The following SND1 variants were observed in gnomAD, a reference collection of about 807,000 sequenced individuals.
The protein encoded by SND1 is staphylococcal nuclease and tudor domain containing 1, also known as staphylococcal nuclease domain-containing protein 1.
In SND1, 38 loss-of-function variants were observed where a neutral mutation model predicts 121.7. The observed-to-expected ratio is 0.31, with a 90% CI of 0.24 to 0.41. SND1 has a LOEUF of 0.41. SND1 is among the 10% of genes least tolerant of loss of function. The pLI is 1.00. For missense variants in SND1, 868 were observed against 1,184.6 expected (o/e 0.73, Z 3.92); for synonymous variants, 401 against 447.4 (o/e 0.90, Z 1.31).
rs527969809 is a variant in SND1 at position 127,659,687 on chromosome 7, A to T, written c.78+7236A>T. ...CTTAAAGTTAGTAATCTAATTTATT[A>T]ACTTTGTCCCTGGAAAGCAGCATGG... On this transcript the variant is annotated intron_variant, in intron 1 of 23. Transcript: ENST00000354725. 1.8e-4 allele frequency among the ~76,000 whole-genome samples: 28 copies of T among 152,334 alleles called. No individual in the cohort carries two copies. In the East Asian group the frequency reaches 5.0e-3, roughly 27 times the overall value.
intron 14 of SND1, among the ~76,000 whole-genome samples, chr7:127,916,103 T>C (rs900850128): frequency 3.3e-5 from 5 of 152,110 alleles, no homozygotes; most frequent in African/African-American, 1.2e-4. Context: ...TCTATTAATT[T>C]TTCTTTTTTT....
At chr7:127,991,135 A>G (rs886621780) in intron 16 of SND1, 79 bp downstream of exon 16, 8 of 981,976 alleles carry the variant, frequency 8.1e-6, no homozygotes, top group African/African-American at 1.6e-5. Flanking sequence ...GTCAGAGATC[A>G]GTCTGTTGTT....
At chr7:127,982,906 T>G (rs567578824) in intron 15 of SND1, among the ~76,000 whole-genome samples, 1 of 152,364 alleles carries the variant, frequency 6.6e-6, no homozygotes, top group South Asian at 2.1e-4. Flanking sequence ...GCTTTGTATG[T>G]TATTTAAGTG....
chr7:128,039,776 G>A (rs1287227380), intron 16 of SND1, among the ~76,000 whole-genome samples: 1 of 152,110 alleles, frequency 6.6e-6, no homozygotes, highest in East Asian at 1.9e-4. Flanking sequence ...GCCTGAAATA[G>A]GGAACACCAG....
chr7:127,806,030 G>C (rs2116573325), intron 10 of SND1, among the ~76,000 whole-genome samples: 1 of 152,278 alleles, frequency 6.6e-6, no homozygotes, highest in East Asian at 1.9e-4. Flanking sequence ...TAGTTATTGA[G>C]TATGTACTAA....
At chr7:128,080,375 GGGAA>G (rs1374472258) in intron 17 of SND1, among the ~76,000 whole-genome samples, 4 of 152,256 alleles carry the variant, frequency 2.6e-5, no homozygotes, top group Non-Finnish European at 5.9e-5. Context: ...CAGGGCTTTG[GGGAA>G]GGAAGGGAGA....
intron 10 of SND1, among the ~76,000 whole-genome samples, chr7:127,754,781 G>A (rs544057554): frequency 1.3e-4 from 20 of 152,330 alleles, no homozygotes; most frequent in African/African-American, 4.3e-4. Flanking sequence ...CCAGATTTAT[G>A]CAGTCTCAAC....
intron 23 of SND1, 53 bp downstream of exon 23, chr7:128,091,934 C>T (rs1489846906): frequency 6.2e-7 from 1 of 1,613,852 alleles, no homozygotes; most frequent in East Asian, 2.2e-5. Context: ...GGGGTTTGGC[C>T]CTCTGAGTTC....
chr7:127,737,057 G>GT (rs34849251), intron 10 of SND1, among the ~76,000 whole-genome samples: 9,868 of 152,284 alleles, frequency 0.065, 411 homozygotes, highest in Middle Eastern at 0.19. Context: ...CCAAGTAAGT[G>GT]TATGTAAAGC....
intron 15 of SND1, among the ~76,000 whole-genome samples, chr7:127,964,570 A>G (rs1424889684): frequency 6.6e-6 from 1 of 151,862 alleles, no homozygotes; most frequent in East Asian, 1.9e-4. Context: ...GTTGTAGGTA[A>G]GCGGCGTTAT....
intron 15 of SND1, among the ~76,000 whole-genome samples, chr7:127,989,791 G>A (rs1361428355): frequency 1.3e-5 from 2 of 152,110 alleles, no homozygotes; most frequent in African/African-American, 4.8e-5. Flanking sequence ...TAATTATATA[G>A]CGTCATAATT....
chr7:127,711,648 A>G (rs1396672904), intron 9 of SND1, among the ~76,000 whole-genome samples: 1 of 150,946 alleles, frequency 6.6e-6, no homozygotes, highest in Non-Finnish European at 1.5e-5. Flanking sequence ...TTTTCTCCCA[A>G]CTCTTTTGTT....
At chr7:127,776,172 T>C (rs1233153133) in intron 10 of SND1, among the ~76,000 whole-genome samples, 1 of 152,178 alleles carries the variant, frequency 6.6e-6, no homozygotes, top group Non-Finnish European at 1.5e-5. Context: ...AAATAGGCTT[T>C]CATCTAGCAG....
At chr7:128,066,181 C>G (rs1262538892) in intron 16 of SND1, among the ~76,000 whole-genome samples, 1 of 152,222 alleles carries the variant, frequency 6.6e-6, no homozygotes, top group Non-Finnish European at 1.5e-5. Context: ...GCCCCCCTAC[C>G]CCTACCATCC....
intron 15 of SND1, among the ~76,000 whole-genome samples, chr7:127,934,621 T>G (rs1336810113): frequency 6.6e-6 from 1 of 151,610 alleles, no homozygotes; most frequent in African/African-American, 2.4e-5. Flanking sequence ...TGGGGGGTGG[T>G]GTTGAGTGGA....
chr7:128,031,648 G>C (rs1427950594), intron 16 of SND1: 4 of 147,248 alleles, frequency 2.7e-5, no homozygotes, highest in African/African-American at 7.3e-5. Context: ...GCTCGGACCC[G>C]GTCCGCCGGC....
chr7:127,889,188 A>G (rs3808087), intron 13 of SND1, among the ~76,000 whole-genome samples: 132,247 of 151,986 alleles, frequency 0.87, 57,793 homozygotes, highest in African/African-American at 0.93. Context: ...GGTTTTTTAA[A>G]GCTCATTAAT....
intron 9 of SND1, among the ~76,000 whole-genome samples, chr7:127,710,178 A>G (rs1480695199): frequency 6.6e-6 from 1 of 152,190 alleles, no homozygotes; most frequent in African/African-American, 2.4e-5. Flanking sequence ...AAATGTCAGT[A>G]TCGTAAATAA....
intron 11 of SND1, among the ~76,000 whole-genome samples, chr7:127,820,198 G>A (rs1045675507): frequency 6.6e-6 from 1 of 152,178 alleles, no homozygotes; most frequent in Non-Finnish European, 1.5e-5. Flanking sequence ...TCTAAGATGT[G>A]TGGTTCCCAA....
Sources: gnomAD v4.1 joint callset for allele counts (sites outside exome capture counted in the v4.1 genomes callset) on GRCh38, gnomAD v4.1.1 for gene constraint, MANE v1.5 for transcripts, NCBI Gene and HGNC (gene_info 2026-07-23, HGNC 2026-07-21) for gene names.